Variants in MTA3 observed in about 807,000 individuals in gnomAD.
The protein encoded by MTA3 is metastasis associated 1 family member 3.
A neutral mutation model predicts 83.5 loss-of-function variants in MTA3; 34 were observed. That is an observed-to-expected ratio of 0.41 (90% CI 0.31 to 0.54). The LOEUF is 0.54. Among genes scored for constraint, MTA3 ranks in the 20% least tolerant of loss-of-function variants. The probability of loss-of-function intolerance (pLI) is 0.33; values close to 1 mark genes in which losing one functional copy is unlikely to be tolerated. For missense variants in MTA3, 761 were observed against 726.4 expected, an observed-to-expected ratio of 1.05 and a Z score of -0.55; for synonymous variants, 303 against 252.7, an observed-to-expected ratio of 1.20 and a Z score of -1.89.
chr2:42,739,182 G>A (rs946720634), intron 16 of MTA3, among the ~76,000 whole-genome samples: 1 of 152,038 alleles, frequency 6.6e-6, no homozygotes, highest in Non-Finnish European at 1.5e-5. Context: ...CTACCAACGT[G>A]TGATGTCTCC....
At chr2:42,499,501 A>T (rs1195529578) in intron 2 of MTA3, among the ~76,000 whole-genome samples, 1 of 151,800 alleles carries the variant, frequency 6.6e-6, no homozygotes, top group Non-Finnish European at 1.5e-5. Context: ...TCATTTCAAA[A>T]AAAGGAATAG....
intron 2 of MTA3, among the ~76,000 whole-genome samples, chr2:42,574,157 G>A (rs1008926179): frequency 3.6e-4 from 51 of 140,594 alleles, no homozygotes; most frequent in African/African-American, 5.3e-4. Context: ...TTTCTGAGGC[G>A]GAGTTTTGCT....
intron 2 of MTA3, among the ~76,000 whole-genome samples, chr2:42,536,086 C>T (rs1216046018): frequency 6.6e-6 from 1 of 151,670 alleles, no homozygotes; most frequent in East Asian, 1.9e-4. Context: ...TGCCAGTGCC[C>T]TCCAGCCTGG....
chr2:42,743,948 A>G (rs138132040), intron 16 of MTA3, among the ~76,000 whole-genome samples: 39 of 152,364 alleles, frequency 2.6e-4, no homozygotes, highest in South Asian at 4.1e-4. Flanking sequence ...GCAGTTTTAA[A>G]AAAAACTTTT....
chr2:42,573,423 G>A (rs1368181765), intron 2 of MTA3, among the ~76,000 whole-genome samples: 1 of 152,108 alleles, frequency 6.6e-6, no homozygotes, highest in African/African-American at 2.4e-5. Context: ...ATAGCTCACT[G>A]TAACCTTGAA....
chr2:42,509,706 G>A (rs1674807886), intron 2 of MTA3, among the ~76,000 whole-genome samples: 1 of 152,006 alleles, frequency 6.6e-6, no homozygotes, highest in Admixed American at 6.6e-5. Context: ...GGGGGGTTGA[G>A]GCTGCAGTGA....
intron 3 of MTA3, among the ~76,000 whole-genome samples, chr2:42,597,490 A>G (rs1681951137): frequency 6.8e-6 from 1 of 147,562 alleles, no homozygotes; most frequent in South Asian, 2.1e-4. Flanking sequence ...GGTTCAAGCA[A>G]TTCTCCTGCC....
chr2:42,749,189 C>G (rs1366924734), intron 16 of MTA3, among the ~76,000 whole-genome samples: 2 of 152,212 alleles, frequency 1.3e-5, no homozygotes, highest in African/African-American at 4.8e-5. Flanking sequence ...GTGTCTCCTT[C>G]CTCTGCAGGA....
At chr2:42,640,144 AC>A in intron 4 of MTA3, 28 bp from the exon 5 acceptor site, 1 of 1,549,922 alleles carries the variant, frequency 6.5e-7, no homozygotes, top group Non-Finnish European at 8.8e-7. Context: ...GGCCTTTGTT[AC>A]ATTTATTCTT....
At chr2:42,576,774 G>A (rs1342648358) in intron 2 of MTA3, among the ~76,000 whole-genome samples, 1 of 152,168 alleles carries the variant, frequency 6.6e-6, no homozygotes, top group Non-Finnish European at 1.5e-5. Context: ...GCGCATGCCT[G>A]TAATCCCAGC....
chr2:42,618,608 A>AT (rs1305967911), intron 4 of MTA3, among the ~76,000 whole-genome samples: 8 of 151,620 alleles, frequency 5.3e-5, no homozygotes, highest in South Asian at 2.1e-4. Flanking sequence ...TCATTAATGC[A>AT]TTTTTTTTCT....
At chr2:42,732,846 C>T (rs566825689) in intron 16 of MTA3, among the ~76,000 whole-genome samples, 1 of 152,322 alleles carries the variant, frequency 6.6e-6, no homozygotes, top group Admixed American at 6.5e-5. Flanking sequence ...GGCAAAATGC[C>T]ACTAGTCTCT....
At chr2:42,667,620 AAAGAGAG>A (rs1558562493) in intron 8 of MTA3, among the ~76,000 whole-genome samples, 4 of 50,728 alleles carry the variant, frequency 7.9e-5, no homozygotes, top group Non-Finnish European at 1.5e-4. Flanking sequence ...ATAGAGAGAG[AAAGAGAG>A]AGAGAGAGAG....
chr2:42,571,386 C>CAAA (rs34003791), intron 2 of MTA3, among the ~76,000 whole-genome samples: 5 of 63,786 alleles, frequency 7.8e-5, no homozygotes, highest in East Asian at 8.5e-4. Context: ...AACACTGTCT[C>CAAA]AAAAAAAAAA....
chr2:42,526,735 G>T (rs906069313), intron 2 of MTA3, among the ~76,000 whole-genome samples: 1 of 151,980 alleles, frequency 6.6e-6, no homozygotes, highest in Non-Finnish European at 1.5e-5. Flanking sequence ...CTTCAAGATG[G>T]ATTCAATGGG....
intron 3 of MTA3, among the ~76,000 whole-genome samples, chr2:42,601,825 G>A (rs1364615462): frequency 6.6e-6 from 1 of 152,056 alleles, no homozygotes; most frequent in South Asian, 2.1e-4. Flanking sequence ...GATTTCAGGT[G>A]TGCACCACCA....
intron 2 of MTA3, among the ~76,000 whole-genome samples, chr2:42,529,595 G>T (rs1675865694): frequency 6.6e-6 from 1 of 152,194 alleles, no homozygotes; most frequent in South Asian, 2.1e-4. Context: ...TCAGGTGATT[G>T]TGCCTCCCAC....
At chr2:42,506,231 G>A (rs1674621207) in intron 2 of MTA3, among the ~76,000 whole-genome samples, 1 of 152,128 alleles carries the variant, frequency 6.6e-6, no homozygotes, top group African/African-American at 2.4e-5. Flanking sequence ...AATTGTTTGA[G>A]CCCAGGAGTT....
intron 16 of MTA3, among the ~76,000 whole-genome samples, chr2:42,751,790 G>T (rs1335802459): frequency 6.6e-6 from 1 of 152,132 alleles, no homozygotes; most frequent in African/African-American, 2.4e-5. Context: ...ATTCCATAAG[G>T]GTTTAGACAG....
Sources: allele counts gnomAD v4.1 joint callset (sites outside exome capture counted in the v4.1 genomes callset), GRCh38; gene constraint gnomAD v4.1.1; transcripts MANE v1.5; gene names NCBI Gene and HGNC (gene_info 2026-07-23, HGNC 2026-07-21).